EPB41L4B: variants seen among roughly 807,000 people sequenced by gnomAD.
EPB41L4B encodes band 4.1-like protein 4B.
A neutral mutation model predicts 112.5 loss-of-function variants in EPB41L4B; 30 were observed. The observed-to-expected ratio is 0.27, with a 90% confidence interval of 0.20 to 0.36. The LOEUF is 0.36. Ranked by LOEUF, EPB41L4B falls within the 10% of genes least tolerant of loss-of-function variation. The pLI is 1.00. For synonymous variants in EPB41L4B, 408 were observed against 439.7 expected, an observed-to-expected ratio of 0.93 and a Z score of 0.90; for missense variants, 1,024 against 1,133.3, an observed-to-expected ratio of 0.90 and a Z score of 1.38.
Position 109,294,130 on chromosome 9 carries a change from C to T in EPB41L4B, c.307-14209G>A, listed in dbSNP as rs532717778. Among the ~76,000 whole-genome samples the T allele has an allele frequency of 1.9e-4, 29 of 151,808 alleles. No individual in the cohort carries two copies. In the South Asian group the frequency reaches 6.0e-3, roughly 32 times the overall value. On this transcript the variant is annotated intron_variant, in intron 1 of 25. Coordinates refer to ENST00000374566, the MANE Select transcript of EPB41L4B (RefSeq NM_019114.5). ...GACCATCCTGGCTAACACAGTGAAA[C>T]CCCATTTCTACGAAAATACAAAAAA...
chr9:109,304,865 C>T (rs556019438), intron 1 of EPB41L4B, among the ~76,000 whole-genome samples: 6 of 152,060 alleles, frequency 3.9e-5, no homozygotes, highest in African/African-American at 9.7e-5. Context: ...GACAGATTAG[C>T]GGCTGTCGGG....
intron 1 of EPB41L4B, among the ~76,000 whole-genome samples, chr9:109,315,955 T>G (rs532934546): frequency 6.6e-6 from 1 of 152,250 alleles, no homozygotes; most frequent in African/African-American, 2.4e-5. Context: ...TGTCTATTAC[T>G]AGAAACTTCT....
chr9:109,185,985 G>T (rs1163117577), intron 22 of EPB41L4B, among the ~76,000 whole-genome samples: 1 of 152,062 alleles, frequency 6.6e-6, no homozygotes, highest in Non-Finnish European at 1.5e-5. Flanking sequence ...CATTGCCCAG[G>T]CCAAGCCAGA....
At chr9:109,219,181 A>G (rs777215746) in intron 15 of EPB41L4B, among the ~76,000 whole-genome samples, 10 of 152,168 alleles carry the variant, frequency 6.6e-5, no homozygotes, top group Admixed American at 1.3e-4. Flanking sequence ...GAGCCTGGCC[A>G]ATCAGAGTCC....
At chr9:109,281,655 G>A (rs972958545) in intron 1 of EPB41L4B, among the ~76,000 whole-genome samples, 12 of 151,956 alleles carry the variant, frequency 7.9e-5, no homozygotes, top group Admixed American at 7.2e-4. Context: ...ACTGCACTCA[G>A]CCTCGGCGGT....
intron 2 of EPB41L4B, among the ~76,000 whole-genome samples, chr9:109,278,943 G>C (rs536634150): frequency 2.0e-5 from 3 of 152,192 alleles, no homozygotes; most frequent in Non-Finnish European, 4.4e-5. Flanking sequence ...TCTCCACTGT[G>C]AACAGTTCTG....
intron 19 of EPB41L4B, among the ~76,000 whole-genome samples, chr9:109,202,869 AAG>A (rs1218241877): frequency 1.3e-5 from 2 of 152,146 alleles, no homozygotes; most frequent in African/African-American, 4.8e-5. Flanking sequence ...TACAAAGAAA[AAG>A]TAGGCTAGGT....
At chr9:109,295,019 G>GA (rs1213019290) in intron 1 of EPB41L4B, among the ~76,000 whole-genome samples, 2 of 152,108 alleles carry the variant, frequency 1.3e-5, no homozygotes, top group Non-Finnish European at 2.9e-5. Context: ...GATGCAGACA[G>GA]AAAAAATTAC....
intron 17 of EPB41L4B, among the ~76,000 whole-genome samples, chr9:109,210,419 T>C (rs2118798808): frequency 6.6e-6 from 1 of 152,360 alleles, no homozygotes; most frequent in East Asian, 1.9e-4. Context: ...AAATTGGTTA[T>C]AAAGCCCATT....
chr9:109,269,898 G>A (rs1564308671), intron 2 of EPB41L4B, among the ~76,000 whole-genome samples: 1 of 152,194 alleles, frequency 6.6e-6, no homozygotes, highest in Non-Finnish European at 1.5e-5. Flanking sequence ...TGACTGTGTG[G>A]GAGGAAGGGG....
intron 13 of EPB41L4B, among the ~76,000 whole-genome samples, chr9:109,248,710 G>C (rs969975657): frequency 6.6e-6 from 1 of 152,072 alleles, no homozygotes; most frequent in South Asian, 2.1e-4. Flanking sequence ...CTCCCAAAGT[G>C]TTGGGATTAT....
intron 24 of EPB41L4B, among the ~76,000 whole-genome samples, chr9:109,177,509 G>A (rs1166362067): frequency 1.3e-5 from 2 of 152,102 alleles, no homozygotes; most frequent in African/African-American, 4.8e-5. Context: ...CTTGTATATA[G>A]AAAGCTTAGA....
intron 20 of EPB41L4B, among the ~76,000 whole-genome samples, chr9:109,199,252 G>A (rs1832743874): frequency 2.0e-5 from 3 of 152,260 alleles, no homozygotes; most frequent in East Asian, 1.9e-4. Context: ...TGGATATGCC[G>A]TGGAAAGCAG....
intron 1 of EPB41L4B, among the ~76,000 whole-genome samples, chr9:109,306,605 A>G (rs921201095): frequency 2.1e-4 from 15 of 70,990 alleles, no homozygotes; most frequent in African/African-American, 6.8e-4. Flanking sequence ...AGAGCGAGCA[A>G]AAAAACAAAC....
chr9:109,270,534 A>C (rs1835571644), intron 2 of EPB41L4B, among the ~76,000 whole-genome samples: 1 of 152,228 alleles, frequency 6.6e-6, no homozygotes, highest in African/African-American at 2.4e-5. Flanking sequence ...GAGGGGGCTG[A>C]TACAGACTTG....
intron 6 of EPB41L4B, among the ~76,000 whole-genome samples, chr9:109,258,944 T>C (rs1835092679): frequency 6.6e-6 from 1 of 152,144 alleles, no homozygotes; most frequent in African/African-American, 2.4e-5. Flanking sequence ...CAATTTGTGC[T>C]GCCCTTGCCA....
At position 109,242,520 on chromosome 9, in the gene EPB41L4B, G is replaced by T. The variant is rs138584828; in HGVS notation, c.1409+1098C>A. Among the ~76,000 whole-genome samples, 205 of 152,312 alleles carry T rather than the reference G, an allele frequency of 1.3e-3. 1 individual carries two copies. The highest frequency in any genetic ancestry group is 4.8e-3 in the African/African-American group (199 of 41,574). ...CTGTTTCTTACGTCTGAAGAATAAA[G>T]CACCTTTGAAATACAGTAAGATTTA... On this transcript the variant is annotated intron_variant, in intron 15 of 25. Coordinates refer to ENST00000374566, the MANE Select transcript of EPB41L4B (RefSeq NM_019114.5).
chr9:109,283,413 C>T (rs1173312887), intron 1 of EPB41L4B, among the ~76,000 whole-genome samples: 1 of 152,200 alleles, frequency 6.6e-6, no homozygotes, highest in Non-Finnish European at 1.5e-5. Flanking sequence ...CCTTCCTCGA[C>T]ATACTCCTCT....
intron 1 of EPB41L4B, among the ~76,000 whole-genome samples, chr9:109,313,453 G>A (rs760935180): frequency 9.2e-5 from 14 of 152,218 alleles, no homozygotes; most frequent in Non-Finnish European, 1.8e-4. Flanking sequence ...CCAGGATGCT[G>A]CCCGGCTCCA....
Sources: gnomAD v4.1 joint callset for allele counts (sites outside exome capture counted in the v4.1 genomes callset) on GRCh38, gnomAD v4.1.1 for gene constraint, MANE v1.5 for transcripts, NCBI Gene and HGNC (gene_info 2026-07-23, HGNC 2026-07-21) for gene names.